NLGN1: variants seen among roughly 807,000 people sequenced by gnomAD.
NLGN1 encodes neuroligin 1, also known as neuroligin-1.
Under a neutral mutation model 65.5 loss-of-function variants are expected in NLGN1, and 12 were observed. The observed-to-expected ratio is 0.18, with a 90% CI of 0.12 to 0.30. The LOEUF (loss-of-function observed/expected upper bound fraction) is 0.30. Among genes scored for constraint, NLGN1 ranks in the 10% least tolerant of loss-of-function variants. The probability of loss-of-function intolerance (pLI) is 1.00; values close to 1 mark genes in which losing one functional copy is unlikely to be tolerated. For missense variants in NLGN1, 750 were observed against 1,007.1 expected, an observed-to-expected ratio of 0.74 and a Z score of 3.46; for synonymous variants, 350 against 359.5, an observed-to-expected ratio of 0.97 and a Z score of 0.30.
chr3:174,270,074 T>C (rs1301756328), intron 4 of NLGN1, among the ~76,000 whole-genome samples: 2 of 151,590 alleles, frequency 1.3e-5, no homozygotes, highest in Admixed American at 6.6e-5. Flanking sequence ...ATTAATACTT[T>C]ATCAAATATA....
intron 4 of NLGN1, among the ~76,000 whole-genome samples, chr3:173,993,917 A>AGT (rs368688763): frequency 1.5e-4 from 22 of 150,796 alleles, no homozygotes; most frequent in Non-Finnish European, 2.2e-4. Context: ...TATGTATATG[A>AGT]GTGTGTGTGT....
chr3:173,893,175 C>T (rs1735673178), intron 4 of NLGN1, among the ~76,000 whole-genome samples: 1 of 152,060 alleles, frequency 6.6e-6, no homozygotes, highest in Admixed American at 6.6e-5. Context: ...GCTAGTTATC[C>T]CTCTTTTTAT....
At chr3:174,038,257 A>C (rs2152484963) in intron 4 of NLGN1, among the ~76,000 whole-genome samples, 1 of 152,284 alleles carries the variant, frequency 6.6e-6, no homozygotes, top group African/African-American at 2.4e-5. Flanking sequence ...GATTTTGGTC[A>C]AAACTGAAGA....
At chr3:173,518,278 G>A (rs573687666) in intron 2 of NLGN1, among the ~76,000 whole-genome samples, 9 of 151,144 alleles carry the variant, frequency 6.0e-5, no homozygotes, top group African/African-American at 1.9e-4. Flanking sequence ...AAAGCCATAT[G>A]TTGACTTTTT....
intron 4 of NLGN1, among the ~76,000 whole-genome samples, chr3:174,093,935 A>G (rs1744984199): frequency 6.6e-6 from 1 of 152,182 alleles, no homozygotes; most frequent in Non-Finnish European, 1.5e-5. Flanking sequence ...TCTCATGAAT[A>G]AAATTTAGTA....
At chr3:173,952,045 T>TC (rs1303907140) in intron 4 of NLGN1, among the ~76,000 whole-genome samples, 19 of 152,334 alleles carry the variant, frequency 1.2e-4, no homozygotes, top group African/African-American at 4.3e-4. Flanking sequence ...CAGCATTATT[T>TC]CCCTTTCTTT....
exon 7 of NLGN1, chr3:174,284,564 T>C (rs1235516983): frequency 1.3e-5 from 2 of 151,400 alleles, no homozygotes; most frequent in Non-Finnish European, 3.0e-5. Flanking sequence ...TATTTCATTG[T>C]TTTGCTGTTA....
intron 1 of NLGN1, among the ~76,000 whole-genome samples, chr3:173,404,614 A>G (rs1194755820): frequency 6.6e-6 from 1 of 152,136 alleles, no homozygotes; most frequent in Non-Finnish European, 1.5e-5. Flanking sequence ...ATAGATCTAT[A>G]TTGTGGTGGG....
intron 2 of NLGN1, among the ~76,000 whole-genome samples, chr3:173,564,301 A>G (rs1743282718): frequency 6.6e-6 from 1 of 152,274 alleles, no homozygotes; most frequent in South Asian, 2.1e-4. Context: ...AAATACAAAA[A>G]TAAAGGATCA....
At chr3:174,045,001 G>T (rs998343560) in intron 4 of NLGN1, among the ~76,000 whole-genome samples, 1 of 152,028 alleles carries the variant, frequency 6.6e-6, no homozygotes, top group Non-Finnish European at 1.5e-5. Context: ...AGGCAGAATT[G>T]TGAGTCAATA....
At chr3:174,176,400 A>G (rs982505152) in intron 4 of NLGN1, among the ~76,000 whole-genome samples, 4 of 151,956 alleles carry the variant, frequency 2.6e-5, no homozygotes, top group African/African-American at 9.7e-5. Context: ...TGCAAAAAAA[A>G]ATCATCAGTG....
chr3:173,604,997 G>A lies in NLGN1; in HGVS notation c.399G>A (p.Val133=), dbSNP rs746271611. Residue 133 remains valine (V), a synonymous_variant, in exon 3 of 7, where the codon GTG becomes GTA. Transcript: ENST00000457714. The stretch of plus-strand genomic sequence containing the variant: ...GATTGCCAGAAGTCATGCTTCCTGT[G>A]TGGTTTACTAATAACTTGGATGTGG... The A allele has an allele frequency of 1.9e-5, 30 of 1,613,452 alleles. No homozygotes were observed. In the East Asian group the frequency reaches 6.7e-4, roughly 36 times the overall value.
At chr3:174,028,233 A>G (rs1312204451) in intron 4 of NLGN1, among the ~76,000 whole-genome samples, 1 of 152,192 alleles carries the variant, frequency 6.6e-6, no homozygotes. Flanking sequence ...GAACTGGGTA[A>G]CAGGCAGATG....
intron 4 of NLGN1, among the ~76,000 whole-genome samples, chr3:173,896,472 C>T (rs138995737): frequency 6.6e-6 from 1 of 152,148 alleles, no homozygotes; most frequent in Admixed American, 6.5e-5. Context: ...AATAGACTTA[C>T]ATTTCTCCTG....
intron 2 of NLGN1, among the ~76,000 whole-genome samples, chr3:173,455,121 C>A (rs891236211): frequency 6.6e-6 from 1 of 152,158 alleles, no homozygotes; most frequent in African/African-American, 2.4e-5. Context: ...CATCAAAGAT[C>A]ACAGTGTCAG....
intron 3 of NLGN1, among the ~76,000 whole-genome samples, chr3:173,677,308 C>T (rs755496955): frequency 6.6e-6 from 1 of 152,002 alleles, no homozygotes; most frequent in Non-Finnish European, 1.5e-5. Context: ...CTGCTTGGAA[C>T]TATGTGCTAG....
At chr3:174,241,393 A>G (rs1370363627) in intron 4 of NLGN1, among the ~76,000 whole-genome samples, 1 of 151,878 alleles carries the variant, frequency 6.6e-6, no homozygotes, top group African/African-American at 2.4e-5. Context: ...TAGCTTTCCC[A>G]CAGTAGAGAT....
At chr3:174,090,364 T>G (rs546605217) in intron 4 of NLGN1, among the ~76,000 whole-genome samples, 2 of 152,082 alleles carry the variant, frequency 1.3e-5, no homozygotes, top group East Asian at 1.9e-4. Context: ...TCCCACATAC[T>G]TGGGGTGCTG....
chr3:174,279,433 A>G lies in NLGN1; in HGVS notation c.1432A>G (p.Asn478Asp). The G allele has an allele frequency of 6.2e-7, 1 of 1,613,258 alleles. No homozygotes were observed. Among genetic ancestry groups the G allele is most frequent in the East Asian group, 2.2e-5 (1 of 44,820 alleles). Residue 478 changes from asparagine to aspartate, a missense_variant, in exon 6 of 7, where the codon AAC becomes GAC. By Grantham distance (23) the Asn-to-Asp change is conservative (BLOSUM62 1). Coordinates refer to ENST00000457714, the Ensembl canonical transcript of NLGN1. This position sits in a 1 kb window ranked among gnomAD's most constrained non-coding sequence, Gnocchi z 4.7. Reference sequence around the variant, plus strand: ...TGTAGCCACAGCGGATCTTCACTCAAACTTTGGTTCACCTACGTACTTCTA... The same window carrying G: ...TGTAGCCACAGCGGATCTTCACTCAGACTTTGGTTCACCTACGTACTTCTA...
Sources: gnomAD v4.1 joint callset for allele counts (sites outside exome capture counted in the v4.1 genomes callset) on GRCh38, gnomAD v4.1.1 for gene constraint, Gnocchi (gnomAD v3.1) non-coding constraint, MANE v1.5 for transcripts, NCBI Gene and HGNC (gene_info 2026-07-23, HGNC 2026-07-21) for gene names.